MLLT3: variants seen among roughly 807,000 people sequenced by gnomAD.
MLLT3 encodes MLLT3 super elongation complex subunit.
Under a neutral mutation model 53.2 loss-of-function variants are expected in MLLT3, and 4 were observed. The ratio of observed to expected loss-of-function variants is 0.08; its 90% CI spans 0.04 to 0.17. MLLT3 has a LOEUF of 0.17. Among genes scored for constraint, MLLT3 ranks in the 10% least tolerant of loss-of-function variants. The pLI is 1.00. For missense variants in MLLT3, 569 were observed against 684.0 expected (o/e 0.83, Z 1.87); for synonymous variants, 283 against 230.6 (o/e 1.23, Z -2.06).
At chr9:20,455,138 C>A (rs185960280) in intron 3 of MLLT3, among the ~76,000 whole-genome samples, 1 of 152,168 alleles carries the variant, frequency 6.6e-6, no homozygotes, top group Non-Finnish European at 1.5e-5. Context: ...AAGTATATCA[C>A]GTCAACAGAC....
At chr9:20,586,938 A>T (rs189308971) in intron 2 of MLLT3, among the ~76,000 whole-genome samples, 12 of 152,302 alleles carry the variant, frequency 7.9e-5, no homozygotes, top group Admixed American at 2.6e-4. Context: ...ATGAAACCTC[A>T]ATCTGTTTTT....
rs567913240 is a variant in MLLT3, at chr9:20,371,826, T to C, written c.1126-6082A>G. Among the ~76,000 whole-genome samples, 12 of 152,354 alleles carry C rather than the reference T, an allele frequency of 7.9e-5. No homozygotes were observed. In the East Asian group the frequency reaches 1.2e-3, roughly 15 times the overall value. On this transcript the variant is annotated intron_variant, in intron 5 of 10. Transcript: ENST00000380338. ...TTAAGAAATACATTTTGTAAGGCTATAGGTGCCATAGATAGTGATTCCTCT... is the reference window on the plus strand; with the variant it reads ...TTAAGAAATACATTTTGTAAGGCTACAGGTGCCATAGATAGTGATTCCTCT...
chr9:20,464,424 T>TTATATATATA (rs1252154866), intron 2 of MLLT3, among the ~76,000 whole-genome samples: 4 of 152,050 alleles, frequency 2.6e-5, no homozygotes, highest in Non-Finnish European at 5.9e-5. Flanking sequence ...TCCCCTGCAC[T>TTATATATATA]TAATAAACTT....
At chr9:20,393,474 C>T (rs1198683035) in intron 5 of MLLT3, among the ~76,000 whole-genome samples, 4 of 152,188 alleles carry the variant, frequency 2.6e-5, no homozygotes, top group African/African-American at 9.6e-5. Context: ...ACTTAGAACG[C>T]TATCTTTAAC....
intron 2 of MLLT3, among the ~76,000 whole-genome samples, chr9:20,560,199 G>A (rs1228716540): frequency 6.6e-6 from 1 of 152,038 alleles, no homozygotes; most frequent in Non-Finnish European, 1.5e-5. Flanking sequence ...TAGCTGCCAT[G>A]CATAAGTTAA....
chr9:20,407,575 T>C (rs1410969849), intron 5 of MLLT3, among the ~76,000 whole-genome samples: 2 of 152,196 alleles, frequency 1.3e-5, no homozygotes, highest in African/African-American at 2.4e-5. Flanking sequence ...GCCAACTTCA[T>C]GTAGCACACC....
rs540870791 is a variant in MLLT3, at chr9:20,382,702, G to A, written c.1126-16958C>T. Reference sequence around the variant, plus strand: ...AAGCAGACATTCTTCTAGAGAGATCGGATGTCAAATGCTTAACTACCTCTC... The same window carrying A: ...AAGCAGACATTCTTCTAGAGAGATCAGATGTCAAATGCTTAACTACCTCTC... On this transcript the variant is annotated intron_variant, in intron 5 of 10. Coordinates refer to ENST00000380338, the MANE Select transcript of MLLT3 (RefSeq NM_004529.4). Among the ~76,000 whole-genome samples the A allele has an allele frequency of 3.2e-4, 48 of 151,970 alleles. No homozygotes were observed. The Middle Eastern group carries it at 0.014, about 43-fold the overall frequency.
At chr9:20,615,346 G>C (rs1436399842) in intron 2 of MLLT3, among the ~76,000 whole-genome samples, 1 of 113,196 alleles carries the variant, frequency 8.8e-6, no homozygotes, top group East Asian at 2.9e-4. Flanking sequence ...CTGGGTGACA[G>C]GGCCAGACCA....
intron 4 of MLLT3, among the ~76,000 whole-genome samples, chr9:20,415,925 C>CAA (rs1822860574): frequency 6.6e-6 from 1 of 151,556 alleles, no homozygotes; most frequent in African/African-American, 2.4e-5. Context: ...TGACATATAA[C>CAA]AAAATTATTC....
chr9:20,478,524 C>G (rs776352203), intron 2 of MLLT3, among the ~76,000 whole-genome samples: 1 of 152,132 alleles, frequency 6.6e-6, no homozygotes, highest in Non-Finnish European at 1.5e-5. Flanking sequence ...CAAGGAACAA[C>G]TCAACCAACT....
At chr9:20,446,340 G>A (rs1431972135) in intron 4 of MLLT3, among the ~76,000 whole-genome samples, 1 of 152,156 alleles carries the variant, frequency 6.6e-6, no homozygotes, top group African/African-American at 2.4e-5. Flanking sequence ...TAGAAGTCAA[G>A]AAGAATCATT....
Position 20,467,803 on chromosome 9 carries a change from CA to C in MLLT3, c.194-11018del, listed in dbSNP as rs200320195. On this transcript the variant is annotated intron_variant, in intron 2 of 10. Coordinates refer to ENST00000380338, the MANE Select transcript of MLLT3 (RefSeq NM_004529.4). ...AGGAGGCTGAAGGTTAAGATGCTGT[CA>C]GAAATTATGACTGTACCTCAAATAC... Among the ~76,000 whole-genome samples, 652 of 152,268 alleles carry C rather than the reference CA, an allele frequency of 4.3e-3. 6 individuals are homozygous for C. Among genetic ancestry groups the C allele is most frequent in the African/African-American group, 0.015 (625 of 41,556 alleles).
At chr9:20,501,629 C>T (rs992499966) in intron 2 of MLLT3, among the ~76,000 whole-genome samples, 45 of 152,008 alleles carry the variant, frequency 3.0e-4, no homozygotes, top group African/African-American at 9.2e-4. Flanking sequence ...CGGGCGCCTG[C>T]AGTCCCAGCT....
intron 2 of MLLT3, among the ~76,000 whole-genome samples, chr9:20,563,647 G>C (rs962910112): frequency 2.6e-5 from 4 of 152,056 alleles, no homozygotes; most frequent in Non-Finnish European, 5.9e-5. Flanking sequence ...AAGCCTCTCA[G>C]CTGGGTTAGA....
intron 2 of MLLT3, among the ~76,000 whole-genome samples, chr9:20,540,409 C>G (rs1818599695): frequency 6.6e-6 from 1 of 152,244 alleles, no homozygotes; most frequent in Admixed American, 6.5e-5. Flanking sequence ...CATTTCCACA[C>G]ATCCTCTGAA....
At position 20,600,112 on chromosome 9, in the gene MLLT3, T is replaced by C. The variant is rs1406779893; in HGVS notation, c.193+20542A>G. On this transcript the variant is annotated intron_variant, in intron 2 of 10. Coordinates refer to ENST00000380338, the MANE Select transcript of MLLT3 (RefSeq NM_004529.4). ...TTCTCTTTCTTATCAAACATTTCAC[T>C]TGCAATGTTGTCCAAAAAAAAAAAA... Among the ~76,000 whole-genome samples, 10 of 142,808 alleles carry C rather than the reference T, an allele frequency of 7.0e-5. No homozygotes were observed. In the Admixed American group the frequency reaches 7.2e-4, roughly 10 times the overall value. 93.7% of individuals were successfully genotyped at this position (142,808 alleles called of 152,430 possible).
chr9:20,459,344 T>A (rs999356035), intron 2 of MLLT3, among the ~76,000 whole-genome samples: 1 of 152,168 alleles, frequency 6.6e-6, no homozygotes. Flanking sequence ...CAGTCTTGCA[T>A]TCACTGACCA....
intron 2 of MLLT3, among the ~76,000 whole-genome samples, chr9:20,487,954 G>C (rs1352938322): frequency 2.0e-5 from 3 of 152,008 alleles, no homozygotes; most frequent in Non-Finnish European, 2.9e-5. Context: ...TTAAAGACAA[G>C]TTATATTCAT....
chr9:20,492,924 A>T lies in MLLT3; in HGVS notation c.194-36138T>A, dbSNP rs1470946111. 7.9e-5 allele frequency among the ~76,000 whole-genome samples: 12 copies of T among 152,116 alleles called. No individual in the cohort carries two copies. In the East Asian group the frequency reaches 2.3e-3, roughly 29 times the overall value. ...AAATAGAAGTTTAGAGTTGTTTAGGATAGATTCATGACCTATCCAATTGAT... is the reference window on the plus strand; with the variant it reads ...AAATAGAAGTTTAGAGTTGTTTAGGTTAGATTCATGACCTATCCAATTGAT... On this transcript the variant is annotated intron_variant, in intron 2 of 10. Coordinates refer to ENST00000380338, the MANE Select transcript of MLLT3 (RefSeq NM_004529.4).
Sources: gnomAD v4.1 joint callset for allele counts (sites outside exome capture counted in the v4.1 genomes callset) on GRCh38, gnomAD v4.1.1 for gene constraint, MANE v1.5 for transcripts, NCBI Gene and HGNC (gene_info 2026-07-23, HGNC 2026-07-21) for gene names.